Variants in ARSB observed in about 807,000 individuals in gnomAD.
The protein encoded by ARSB is arylsulfatase B.
ARSB carries 41 observed loss-of-function variants against 50.9 expected under a neutral mutation model. The observed-to-expected ratio is 0.81, with a 90% CI of 0.63 to 1.04. The LOEUF is 1.04. Ranked by LOEUF, ARSB falls within the 50% of genes least tolerant of loss-of-function variation. ARSB has a pLI of 0.00. For synonymous variants in ARSB, 269 were observed against 284.8 expected, an observed-to-expected ratio of 0.94 and a Z score of 0.56; for missense variants, 672 against 693.3, an observed-to-expected ratio of 0.97 and a Z score of 0.35.
intron 5 of ARSB, among the ~76,000 whole-genome samples, chr5:78,853,304 A>T (rs1181434101): frequency 2.0e-5 from 3 of 151,972 alleles, no homozygotes; most frequent in African/African-American, 7.3e-5. Flanking sequence ...GGTCTGTTGG[A>T]GTTTGCTAGA....
chr5:78,939,020 CA>C (rs1561513856), intron 4 of ARSB, among the ~76,000 whole-genome samples: 2 of 152,152 alleles, frequency 1.3e-5, no homozygotes, highest in Non-Finnish European at 2.9e-5. Context: ...CTGTGACAAC[CA>C]AACCACTTCT....
chr5:78,811,114 C>T (rs1743791532), intron 6 of ARSB, among the ~76,000 whole-genome samples: 1 of 152,304 alleles, frequency 6.6e-6, no homozygotes, highest in South Asian at 2.1e-4. Context: ...ACACTCACAA[C>T]CCGCTGCCAT....
intron 5 of ARSB, among the ~76,000 whole-genome samples, chr5:78,856,369 T>C (rs3098681): frequency 0.62 from 94,315 of 152,068 alleles, 29,625 homozygotes; most frequent in Middle Eastern, 0.67. Context: ...ATAATGATAA[T>C]GGCTTCCCCT....
At chr5:78,787,091 C>CATCCATCT (rs1749101211) in intron 6 of ARSB, among the ~76,000 whole-genome samples, 4 of 127,954 alleles carry the variant, frequency 3.1e-5, no homozygotes, top group Admixed American at 1.5e-4. Flanking sequence ...AATCGATAAC[C>CATCCATCT]ATCTATCTAT....
At chr5:78,901,604 C>A (rs371804025) in intron 4 of ARSB, among the ~76,000 whole-genome samples, 97 of 145,704 alleles carry the variant, frequency 6.7e-4, no homozygotes, top group Non-Finnish European at 1.2e-3. Flanking sequence ...TTAAAAAAAA[C>A]AAACAAAACC....
intron 6 of ARSB, among the ~76,000 whole-genome samples, chr5:78,792,948 C>T (rs1743030383): frequency 6.6e-6 from 1 of 152,134 alleles, no homozygotes; most frequent in South Asian, 2.1e-4. Context: ...CCCACATAAC[C>T]TGTAGTGGTA....
At chr5:78,935,927 T>TCCTCCCCTCC (rs1305197290) in intron 4 of ARSB, among the ~76,000 whole-genome samples, 4 of 107,122 alleles carry the variant, frequency 3.7e-5, no homozygotes, top group Admixed American at 9.3e-5. Flanking sequence ...TCCTCCCCTC[T>TCCTCCCCTCC]CCTCCACTCC....
chr5:78,839,725 T>G (rs1745114009), intron 5 of ARSB, among the ~76,000 whole-genome samples: 1 of 152,226 alleles, frequency 6.6e-6, no homozygotes, highest in African/African-American at 2.4e-5. Context: ...GACCATTTTT[T>G]ACACCAGAGA....
intron 6 of ARSB, among the ~76,000 whole-genome samples, chr5:78,827,319 CCA>C (rs1232686184): frequency 2.0e-5 from 3 of 152,194 alleles, no homozygotes; most frequent in Admixed American, 2.0e-4. Flanking sequence ...AGCAATCCTC[CCA>C]CCTTAGCCTC....
At chr5:78,897,909 T>C (rs908832652) in intron 4 of ARSB, among the ~76,000 whole-genome samples, 1 of 152,100 alleles carries the variant, frequency 6.6e-6, no homozygotes, top group Non-Finnish European at 1.5e-5. Flanking sequence ...TCTAAGTTCA[T>C]TCAGGAAAAA....
At chr5:78,901,832 T>G (rs1354810769) in intron 4 of ARSB, among the ~76,000 whole-genome samples, 1 of 152,224 alleles carries the variant, frequency 6.6e-6, no homozygotes, top group Non-Finnish European at 1.5e-5. Flanking sequence ...GATACCACTT[T>G]ATACCCAATA....
At chr5:78,831,092 C>G (rs2112695444) in intron 6 of ARSB, among the ~76,000 whole-genome samples, 1 of 152,136 alleles carries the variant, frequency 6.6e-6, no homozygotes, top group South Asian at 2.1e-4. Context: ...ACTTTCCCAC[C>G]CTGCCCCAAT....
rs1209998071 is a variant in ARSB at position 78,879,788 on chromosome 5, A to T, written c.1142+5796T>A. 2.0e-5 allele frequency among the ~76,000 whole-genome samples: 3 copies of T among 152,270 alleles called. No homozygotes were observed. The East Asian group carries it at 5.8e-4, about 29-fold the overall frequency. On this transcript the variant is annotated intron_variant, in intron 5 of 7. Transcript: ENST00000264914. ...CCAAATGTTCTGCCACCGATTCCGA[A>T]CTTGCCTAATGCTGTGAGAAGCACC...
intron 6 of ARSB, among the ~76,000 whole-genome samples, chr5:78,784,798 C>A (rs1054989098): frequency 1.6e-5 from 2 of 124,864 alleles, no homozygotes; most frequent in African/African-American, 5.9e-5. Flanking sequence ...TTTTATTAGT[C>A]TTTTTTTTTT....
At chr5:78,887,402 GAGGAACCCGCCCCC>G (rs1318219759) in intron 4 of ARSB, among the ~76,000 whole-genome samples, 4 of 152,126 alleles carry the variant, frequency 2.6e-5, no homozygotes, top group Non-Finnish European at 5.9e-5. Flanking sequence ...ATCTATTCAT[GAGGAACCCGCCCCC>G]ATGACCCAAA....
Position 78,928,305 on chromosome 5 carries a change from CTTTTTTTTTTTT to C in ARSB, c.898+26978_898+26989del, listed in dbSNP as rs34737292. Among the ~76,000 whole-genome samples, 26 of 72,590 alleles carry C rather than the reference CTTTTTTTTTTTT, an allele frequency of 3.6e-4. 2 individuals carry two copies. The highest frequency in any genetic ancestry group is 1.4e-3 in the East Asian group (3 of 2,168). The allele number at this position is 72,590 out of a possible 152,430, so 47.6% of individuals were successfully genotyped here. On this transcript the variant is annotated intron_variant, in intron 4 of 7. Transcript: ENST00000264914. The stretch of plus-strand genomic sequence containing the variant: ...CAACTGTGATTGCCATTTGCTTTTG[CTTTTTTTTTTTT>C]TTTTTTTTTTTTTTTTGAGACAGAG...
At chr5:78,801,669 C>A (rs1252392322) in intron 6 of ARSB, among the ~76,000 whole-genome samples, 1 of 152,130 alleles carries the variant, frequency 6.6e-6, no homozygotes, top group African/African-American at 2.4e-5. Context: ...TCTCGGCCTC[C>A]CTTGCAGTTG....
chr5:78,980,016 T>C (rs1752834648), intron 1 of ARSB, among the ~76,000 whole-genome samples: 2 of 152,218 alleles, frequency 1.3e-5, no homozygotes, highest in Non-Finnish European at 2.9e-5. Context: ...ATCTATTGTA[T>C]TCCATTTATA....
intron 4 of ARSB, among the ~76,000 whole-genome samples, chr5:78,941,295 G>T (rs1750908876): frequency 6.6e-6 from 1 of 150,452 alleles, no homozygotes; most frequent in Non-Finnish European, 1.5e-5. Flanking sequence ...CTGCCTAATT[G>T]CCCTGGCCAG....
Sources: gnomAD v4.1 joint callset for allele counts (sites outside exome capture counted in the v4.1 genomes callset) on GRCh38, gnomAD v4.1.1 for gene constraint, MANE v1.5 for transcripts, NCBI Gene and HGNC (gene_info 2026-07-23, HGNC 2026-07-21) for gene names.